The following KCNJ3 variants were observed in gnomAD, a reference collection of about 807,000 sequenced individuals.
The protein encoded by KCNJ3 is potassium inwardly rectifying channel subfamily J member 3, also known as G protein-activated inward rectifier potassium channel 1.
A neutral mutation model predicts 39.2 loss-of-function variants in KCNJ3; 4 were observed. The observed-to-expected ratio is 0.10, with a 90% confidence interval of 0.05 to 0.23. KCNJ3 has a LOEUF of 0.23. Ranked by LOEUF, KCNJ3 falls within the 10% of genes least tolerant of loss-of-function variation. KCNJ3 has a pLI of 1.00. For missense variants in KCNJ3, 276 were observed against 634.9 expected, an observed-to-expected ratio of 0.43 and a Z score of 6.08; for synonymous variants, 230 against 237.4, an observed-to-expected ratio of 0.97 and a Z score of 0.29.
At chr2:154,834,581 T>C (rs1687416714) in intron 2 of KCNJ3, among the ~76,000 whole-genome samples, 1 of 151,780 alleles carries the variant, frequency 6.6e-6, no homozygotes. Context: ...TACAAAATAT[T>C]AGCCAAGCAT....
intron 2 of KCNJ3, among the ~76,000 whole-genome samples, chr2:154,837,505 G>A (rs1013534434): frequency 6.6e-6 from 1 of 152,052 alleles, no homozygotes; most frequent in Non-Finnish European, 1.5e-5. Context: ...CCTCTGGAGT[G>A]GTGGTGAAGT....
At chr2:154,790,440 A>G (rs1686609562) in intron 2 of KCNJ3, among the ~76,000 whole-genome samples, 1 of 152,016 alleles carries the variant, frequency 6.6e-6, no homozygotes, top group Non-Finnish European at 1.5e-5. Flanking sequence ...TTTCTCTTAC[A>G]TACTTATTCT....
intron 2 of KCNJ3, among the ~76,000 whole-genome samples, chr2:154,816,652 C>T (rs886564573): frequency 6.6e-5 from 10 of 152,062 alleles, no homozygotes; most frequent in South Asian, 2.1e-4. Context: ...TTTATAAATT[C>T]GGACCATAAA....
intron 2 of KCNJ3, among the ~76,000 whole-genome samples, chr2:154,786,031 T>C (rs1363948152): frequency 2.6e-5 from 4 of 152,198 alleles, no homozygotes; most frequent in Non-Finnish European, 5.9e-5. Flanking sequence ...TGTCAATGTT[T>C]TAATCATGAA....
chr2:154,803,600 T>C (rs958399349), intron 2 of KCNJ3, among the ~76,000 whole-genome samples: 1 of 151,980 alleles, frequency 6.6e-6, no homozygotes, highest in South Asian at 2.1e-4. Flanking sequence ...CAAATTATTG[T>C]ATCCCTTTAA....
intron 2 of KCNJ3, 60 bp from the exon 3 acceptor site, chr2:154,854,667 C>A: frequency 7.8e-7 from 1 of 1,287,552 alleles, no homozygotes; most frequent in Non-Finnish European, 1.1e-6. Context: ...TTAGGCCAAA[C>A]CGGCTTTACA....
At chr2:154,734,763 C>T (rs964791980) in intron 2 of KCNJ3, among the ~76,000 whole-genome samples, 1 of 152,034 alleles carries the variant, frequency 6.6e-6, no homozygotes, top group Non-Finnish European at 1.5e-5. Flanking sequence ...ATGAAAAAAA[C>T]ATTGAGAGTG....
At chr2:154,814,685 A>G (rs1286520497) in intron 2 of KCNJ3, among the ~76,000 whole-genome samples, 1 of 152,138 alleles carries the variant, frequency 6.6e-6, no homozygotes, top group Non-Finnish European at 1.5e-5. Flanking sequence ...AAGTATGTTA[A>G]GGGAGGAAAT....
chr2:154,721,242 AG>A lies in KCNJ3; in HGVS notation c.919+11424del, dbSNP rs1289298999. 1.5e-4 allele frequency among the ~76,000 whole-genome samples: 23 copies of A among 152,172 alleles called. No homozygotes were observed. The East Asian group carries it at 4.3e-3, about 28-fold the overall frequency. ...AAGGTCAGGTCTTTTAAGTGTTTAA[AG>A]CCAGTTTTCTAAAATTGAGGGTAGG... is the stretch of plus-strand genomic sequence containing the variant. On this transcript the variant is annotated intron_variant, in intron 2 of 2. Transcript: ENST00000295101.
Position 154,755,630 on chromosome 2 carries a change from G to A in KCNJ3, c.919+45811G>A, listed in dbSNP as rs115410291. Among the ~76,000 whole-genome samples, 1,475 of 149,092 alleles carry A rather than the reference G, an allele frequency of 9.9e-3. 17 individuals are homozygous for A. The highest frequency in any genetic ancestry group is 0.034 in the African/African-American group (1,394 of 40,438). ...TTTTATGTTCATAAAATCTACGAGG[G>A]CATAAATACTTTGTACTAAGGTTCT... On this transcript the variant is annotated intron_variant, in intron 2 of 2. Transcript: ENST00000295101.
At chr2:154,789,820 G>T (rs1686595772) in intron 2 of KCNJ3, among the ~76,000 whole-genome samples, 1 of 152,010 alleles carries the variant, frequency 6.6e-6, no homozygotes, top group Non-Finnish European at 1.5e-5. Context: ...AATAGGTCTA[G>T]AGATAATCAA....
chr2:154,801,530 TTTCC>T, intron 2 of KCNJ3, among the ~76,000 whole-genome samples: 1 of 151,346 alleles, frequency 6.6e-6, no homozygotes, highest in Non-Finnish European at 1.5e-5. Flanking sequence ...TCTTTCCTTC[TTTCC>T]TTCTTTCTTT....
intron 2 of KCNJ3, among the ~76,000 whole-genome samples, chr2:154,797,269 T>C (rs1686735528): frequency 1.3e-5 from 2 of 152,206 alleles, no homozygotes; most frequent in Admixed American, 6.5e-5. Flanking sequence ...TAATGTGTGG[T>C]TGTGTTTCAC....
chr2:154,837,502 AGTG>A, intron 2 of KCNJ3, among the ~76,000 whole-genome samples: 1 of 152,172 alleles, frequency 6.6e-6, no homozygotes, highest in South Asian at 2.1e-4. Flanking sequence ...GACCCTCTGG[AGTG>A]GTGGTGAAGT....
At chr2:154,786,627 C>T (rs1435556484) in intron 2 of KCNJ3, among the ~76,000 whole-genome samples, 2 of 152,148 alleles carry the variant, frequency 1.3e-5, no homozygotes, top group East Asian at 3.9e-4. Flanking sequence ...TATATGTATT[C>T]AAGACTCCTC....
At chr2:154,731,374 G>T (rs1685446700) in intron 2 of KCNJ3, among the ~76,000 whole-genome samples, 1 of 152,046 alleles carries the variant, frequency 6.6e-6, no homozygotes. Flanking sequence ...TTTTATGTTA[G>T]AATTAGTAGC....
chr2:154,850,380 T>A (rs1687738374), intron 2 of KCNJ3, among the ~76,000 whole-genome samples: 1 of 152,168 alleles, frequency 6.6e-6, no homozygotes, highest in Non-Finnish European at 1.5e-5. Flanking sequence ...TACATGCATG[T>A]TCTTAGAAAC....
At position 154,756,844 on chromosome 2, in the gene KCNJ3, A is replaced by G. The variant is rs186283940; in HGVS notation, c.919+47025A>G. 1.1e-4 allele frequency among the ~76,000 whole-genome samples: 17 copies of G among 152,202 alleles called. No individual in the cohort carries two copies. In the East Asian group the frequency reaches 2.7e-3, roughly 24 times the overall value. The stretch of plus-strand genomic sequence containing the variant: ...TTTCAGTTTAATTTAATATTTAGAA[A>G]AAAAGCAAATTTACAAATTTGACAC... On this transcript the variant is annotated intron_variant, in intron 2 of 2. Coordinates refer to ENST00000295101, the MANE Select transcript of KCNJ3 (RefSeq NM_002239.4).
At chr2:154,722,825 G>A (rs1470451568) in intron 2 of KCNJ3, among the ~76,000 whole-genome samples, 3 of 152,184 alleles carry the variant, frequency 2.0e-5, no homozygotes, top group Non-Finnish European at 4.4e-5. Context: ...TTTATTGCTA[G>A]AGGAAGTTTG....
Sources: gnomAD v4.1 joint callset for allele counts (sites outside exome capture counted in the v4.1 genomes callset) on GRCh38, gnomAD v4.1.1 for gene constraint, MANE v1.5 for transcripts, NCBI Gene and HGNC (gene_info 2026-07-23, HGNC 2026-07-21) for gene names.